Variants in VAV2 observed in about 807,000 individuals in gnomAD.
The protein encoded by VAV2 is vav guanine nucleotide exchange factor 2.
A neutral mutation model predicts 132.5 loss-of-function variants in VAV2; 67 were observed. That is an observed-to-expected ratio of 0.51 (90% CI 0.42 to 0.62). VAV2 has a LOEUF of 0.62. Among genes scored for constraint, VAV2 ranks in the 20% least tolerant of loss-of-function variants. The pLI, the probability that VAV2 is intolerant of heterozygous loss-of-function variation, is 0.00. For synonymous variants in VAV2, 492 were observed against 443.5 expected (o/e 1.11, Z -1.37); for missense variants, 938 against 1,153.6 (o/e 0.81, Z 2.71).
At chr9:133,813,127 T>C (rs1278055285) in intron 4 of VAV2, among the ~76,000 whole-genome samples, 2 of 152,174 alleles carry the variant, frequency 1.3e-5, no homozygotes, top group Non-Finnish European at 2.9e-5. Context: ...CGTTGGGGGC[T>C]CACTGCACCT....
rs550107954 is a variant in VAV2 at position 133,826,436 on chromosome 9, G to A, written c.449+7836C>T. ...CTCTGGGGAGAAGCCAGGAGGACACGCGGTTCCTGACAGAGCCTGGCTGTG... is the reference window on the plus strand; with the variant it reads ...CTCTGGGGAGAAGCCAGGAGGACACACGGTTCCTGACAGAGCCTGGCTGTG... On this transcript the variant is annotated intron_variant, in intron 4 of 29. Coordinates refer to ENST00000371850, the MANE Select transcript of VAV2 (RefSeq NM_001134398.2). The surrounding 1 kb of genome is among the most constrained non-coding windows in gnomAD (Gnocchi z 4.2). Among the ~76,000 whole-genome samples, 84 of 152,332 alleles carry A rather than the reference G, an allele frequency of 5.5e-4. No individual in the cohort carries two copies. Among genetic ancestry groups the A allele is most frequent in the Middle Eastern group, 3.4e-3 (1 of 294 alleles).
intron 2 of VAV2, among the ~76,000 whole-genome samples, chr9:133,936,854 T>C (rs1258403700): frequency 6.6e-6 from 1 of 152,062 alleles, no homozygotes; most frequent in African/African-American, 2.4e-5. Context: ...CGGTGAGACA[T>C]GGGGAGACCA....
intron 1 of VAV2, among the ~76,000 whole-genome samples, chr9:133,940,988 G>A (rs1841126998): frequency 2.1e-5 from 3 of 145,312 alleles, no homozygotes; most frequent in African/African-American, 7.6e-5. Flanking sequence ...CTGCTGCCAT[G>A]CCTCTTCAGT....
At chr9:133,893,354 G>A (rs1198477137) in intron 2 of VAV2, among the ~76,000 whole-genome samples, 1 of 152,168 alleles carries the variant, frequency 6.6e-6, no homozygotes, top group Admixed American at 6.5e-5. Flanking sequence ...TGGCGAAGGC[G>A]GCGGCAACAG....
intron 21 of VAV2, among the ~76,000 whole-genome samples, chr9:133,779,656 G>A (rs554249765): frequency 6.6e-6 from 1 of 152,216 alleles, no homozygotes; most frequent in East Asian, 1.9e-4. Flanking sequence ...GGCCCTCCCT[G>A]GCTAGAAGGC....
chr9:133,900,199 A>G (rs1839386808), intron 2 of VAV2, among the ~76,000 whole-genome samples: 1 of 109,980 alleles, frequency 9.1e-6, no homozygotes, highest in Admixed American at 9.4e-5. Flanking sequence ...ACCCTGTCTC[A>G]AAAAAACCAA....
chr9:133,973,601 G>A (rs78556500), intron 1 of VAV2, among the ~76,000 whole-genome samples: 9 of 151,974 alleles, frequency 5.9e-5, no homozygotes, highest in East Asian at 2.0e-4. Context: ...ACCCACGCAC[G>A]CCCTACAGAG....
intron 2 of VAV2, among the ~76,000 whole-genome samples, chr9:133,889,982 A>G (rs1307030484): frequency 6.6e-6 from 1 of 152,206 alleles, no homozygotes; most frequent in African/African-American, 2.4e-5. Flanking sequence ...CTGTCTCTGC[A>G]GTGGAAGGAC....
intron 2 of VAV2, among the ~76,000 whole-genome samples, chr9:133,871,305 T>G (rs1410318364): frequency 1.4e-5 from 2 of 142,738 alleles, no homozygotes; most frequent in African/African-American, 2.6e-5. Flanking sequence ...AGTGGGTGGG[T>G]GGATGGATGA....
At chr9:133,870,818 T>C (rs1421000098) in intron 2 of VAV2, among the ~76,000 whole-genome samples, 4 of 137,488 alleles carry the variant, frequency 2.9e-5, no homozygotes, top group African/African-American at 5.6e-5. Flanking sequence ...GGTGGATGGA[T>C]GGATAGATTG....
chr9:133,977,635 G>A (rs1842557063), intron 1 of VAV2, among the ~76,000 whole-genome samples: 1 of 152,206 alleles, frequency 6.6e-6, no homozygotes, highest in Non-Finnish European at 1.5e-5. Context: ...CACTCACCTG[G>A]CACCTCTGGT....
chr9:133,878,899 G>C (rs1353358289), intron 2 of VAV2, among the ~76,000 whole-genome samples: 2 of 152,200 alleles, frequency 1.3e-5, no homozygotes, highest in African/African-American at 2.4e-5. Flanking sequence ...CATATGCCAG[G>C]CTCCTCCGCA....
At position 133,980,918 on chromosome 9, in the gene VAV2, A is replaced by ATCTACTTTTC. The variant is rs1374065618; in HGVS notation, c.204+11156_204+11157insGAAAAGTAGA. ...ACCTGTCTCCAACCCTTAGCTACCA[A>ATCTACTTTTC]AAGCCATCTACTTTTCAGGGCATCT... On this transcript the variant is annotated intron_variant, in intron 1 of 29. Coordinates refer to ENST00000371850, the MANE Select transcript of VAV2 (RefSeq NM_001134398.2). Among the ~76,000 whole-genome samples, 1,109 of 152,164 alleles carry ATCTACTTTTC rather than the reference A, an allele frequency of 7.3e-3. 13 individuals are homozygous for ATCTACTTTTC. Among genetic ancestry groups the ATCTACTTTTC allele is most frequent in the African/African-American group, 0.025 (1,037 of 41,486 alleles).
At position 133,806,066 on chromosome 9, in the gene VAV2, C is replaced by A. The variant is rs756998997; in HGVS notation, c.836+15G>T. 7.5e-6 allele frequency: 12 copies of A among 1,609,536 alleles called. No homozygotes were observed. Among genetic ancestry groups the A allele is most frequent in the Non-Finnish European group, 8.5e-6 (10 of 1,178,496 alleles). On this transcript the variant is annotated intron_variant, in intron 9 of 29. Transcript: ENST00000371850. ...GGGAGGGGCCAAGGAGCCCCAGGAGCCGGCAGCCACTCACCTTTCCTTGAA... is the reference window on the plus strand; with the variant it reads ...GGGAGGGGCCAAGGAGCCCCAGGAGACGGCAGCCACTCACCTTTCCTTGAA...
intron 1 of VAV2, among the ~76,000 whole-genome samples, chr9:133,985,258 G>A: frequency 6.6e-6 from 1 of 151,314 alleles, no homozygotes; most frequent in South Asian, 2.1e-4. Flanking sequence ...GTGTGTGTGT[G>A]TGTGTGTGTG....
intron 9 of VAV2, among the ~76,000 whole-genome samples, chr9:133,805,222 T>A (rs1409444279): frequency 6.6e-6 from 1 of 152,126 alleles, no homozygotes; most frequent in Non-Finnish European, 1.5e-5. Flanking sequence ...AAGATGCACC[T>A]GTGGGGTCTT....
In VAV2 at chr9:133,943,206, G is replaced by A. The variant is rs1298289150; in HGVS notation, c.205-3987C>T. On this transcript the variant is annotated intron_variant, in intron 1 of 29. Transcript: ENST00000371850. The stretch of plus-strand genomic sequence containing the variant: ...TTTCCTCAGTGGCCTGGTTTGCAAG[G>A]TCTGTGGTCGCTCTGGAGCCAATCA... 2.0e-5 allele frequency among the ~76,000 whole-genome samples: 3 copies of A among 152,184 alleles called. No individual in the cohort carries two copies. The East Asian group carries it at 5.8e-4, about 29-fold the overall frequency.
chr9:133,779,897 GC>G lies in VAV2; in HGVS notation c.1762+20del. On this transcript the variant is annotated intron_variant, in intron 21 of 29. Transcript: ENST00000371850. ...TGGCTGACATGGGTGATAGCAGAGGGCCCAGGTCCAGAAGACTCACCTGGTC... is the reference window on the plus strand; with the variant it reads ...TGGCTGACATGGGTGATAGCAGAGGGCCAGGTCCAGAAGACTCACCTGGTC... 1.2e-6 allele frequency: 2 copies of G among 1,610,338 alleles called. No homozygotes were observed. Among genetic ancestry groups the G allele is most frequent in the Non-Finnish European group, 8.5e-7 (1 of 1,178,690 alleles).
At chr9:133,811,525 C>T (rs1488803335) in intron 5 of VAV2, among the ~76,000 whole-genome samples, 1 of 152,238 alleles carries the variant, frequency 6.6e-6, no homozygotes, top group African/African-American at 2.4e-5. Context: ...CTCCTCATTC[C>T]AGCTCCGCTG....
Sources: allele counts gnomAD v4.1 joint callset (sites outside exome capture counted in the v4.1 genomes callset), GRCh38; gene constraint gnomAD v4.1.1; non-coding constraint Gnocchi (gnomAD v3.1); transcripts MANE v1.5; gene names NCBI Gene and HGNC (gene_info 2026-07-23, HGNC 2026-07-21).